The following NCALD variants were observed in gnomAD, a reference collection of about 807,000 sequenced individuals.
NCALD encodes neurocalcin-delta.
In NCALD, 10 loss-of-function variants were observed where a neutral mutation model predicts 18.6. The observed-to-expected ratio is 0.54, with a 90% CI of 0.33 to 0.91. The LOEUF (loss-of-function observed/expected upper bound fraction) is 0.91, where lower values mean the gene tolerates loss of function less well. Among genes scored for constraint, NCALD ranks in the 40% least tolerant of loss-of-function variants. The pLI is 0.03. For synonymous variants in NCALD, 88 were observed against 87.4 expected, an observed-to-expected ratio of 1.01 and a Z score of -0.04; for missense variants, 184 against 247.6, an observed-to-expected ratio of 0.74 and a Z score of 1.72.
chr8:101,813,427 A>C (rs961932749), intron 4 of NCALD, among the ~76,000 whole-genome samples: 1 of 152,082 alleles, frequency 6.6e-6, no homozygotes, highest in East Asian at 1.9e-4. Context: ...CAGCTTAGGG[A>C]GGGTTTTGTA....
intron 1 of NCALD, among the ~76,000 whole-genome samples, chr8:101,725,368 G>T (rs74507823): frequency 0.016 from 2,403 of 152,280 alleles, 57 homozygotes; most frequent in African/African-American, 0.055. Flanking sequence ...GGTGGGCTCC[G>T]AGGAAAGATC....
intron 3 of NCALD, among the ~76,000 whole-genome samples, chr8:101,894,954 T>C (rs1430306446): frequency 1.3e-5 from 2 of 150,932 alleles, no homozygotes; most frequent in Non-Finnish European, 2.9e-5. Flanking sequence ...ACTGGTACCA[T>C]TCCTTCTGAA....
At chr8:102,078,812 G>A (rs774659504) in intron 1 of NCALD, among the ~76,000 whole-genome samples, 3 of 152,204 alleles carry the variant, frequency 2.0e-5, no homozygotes, top group Non-Finnish European at 4.4e-5. Context: ...TCACTCATCA[G>A]TATCTGAAAG....
At chr8:101,692,586 G>GA (rs1458243881) in intron 3 of NCALD, 110 of 985,192 alleles carry the variant, frequency 1.1e-4, no homozygotes, top group African/African-American at 1.4e-4. Context: ...AAGGAGGATA[G>GA]AAAAAACTAG....
At chr8:101,822,218 T>C (rs1424934307) in intron 4 of NCALD, among the ~76,000 whole-genome samples, 1 of 152,222 alleles carries the variant, frequency 6.6e-6, no homozygotes, top group Admixed American at 6.5e-5. Flanking sequence ...TAGTCTATCT[T>C]TAAATATTAA....
intron 1 of NCALD, among the ~76,000 whole-genome samples, chr8:102,038,673 T>C (rs7001158): frequency 0.18 from 26,995 of 152,040 alleles, 2,536 homozygotes; most frequent in Non-Finnish European, 0.19. Flanking sequence ...TTTCCCACAA[T>C]TCACTTTAGC....
intron 1 of NCALD, among the ~76,000 whole-genome samples, chr8:102,023,325 G>A (rs1822341818): frequency 7.3e-6 from 1 of 137,290 alleles, no homozygotes; most frequent in Non-Finnish European, 1.5e-5. Flanking sequence ...AGCACTCTTA[G>A]AATAGAGAGG....
intron 2 of NCALD, among the ~76,000 whole-genome samples, chr8:101,992,801 G>A (rs988339163): frequency 6.6e-6 from 1 of 152,016 alleles, no homozygotes; most frequent in African/African-American, 2.4e-5. Flanking sequence ...GCACACAACA[G>A]GTGCTCACTC....
intron 1 of NCALD, among the ~76,000 whole-genome samples, chr8:102,074,148 T>C (rs1824268462): frequency 1.3e-5 from 2 of 152,150 alleles, no homozygotes; most frequent in African/African-American, 4.8e-5. Context: ...TGTCTAGCAC[T>C]GAAGTGGCAA....
chr8:101,814,973 CTAAA>C (rs1333830751), intron 4 of NCALD, among the ~76,000 whole-genome samples: 1 of 151,900 alleles, frequency 6.6e-6, no homozygotes, highest in South Asian at 2.1e-4. Flanking sequence ...AATCAAAGAA[CTAAA>C]TAAATAAAGA....
intron 2 of NCALD, among the ~76,000 whole-genome samples, chr8:101,989,646 T>C (rs894566859): frequency 1.3e-5 from 2 of 152,220 alleles, no homozygotes; most frequent in African/African-American, 2.4e-5. Flanking sequence ...TGTTCTTAGA[T>C]TGACGGACTA....
At chr8:101,725,075 A>G (rs1382136252) in intron 1 of NCALD, among the ~76,000 whole-genome samples, 1 of 152,186 alleles carries the variant, frequency 6.6e-6, no homozygotes, top group African/African-American at 2.4e-5. Context: ...GGAGGCAGGG[A>G]AATACTGGGT....
intron 1 of NCALD, among the ~76,000 whole-genome samples, chr8:101,742,241 A>G (rs1436302838): frequency 6.7e-6 from 1 of 148,268 alleles, no homozygotes; most frequent in Non-Finnish European, 1.5e-5. Flanking sequence ...AAAAAAAAAA[A>G]GAAAGAAAGA....
chr8:101,702,740 A>G (rs1358915401), intron 2 of NCALD, among the ~76,000 whole-genome samples: 2 of 152,256 alleles, frequency 1.3e-5, no homozygotes, highest in African/African-American at 4.8e-5. Context: ...GCTCCGCAGA[A>G]GTGGCCTCAT....
chr8:102,107,195 C>CATATATATGTATATATAT, intron 1 of NCALD, among the ~76,000 whole-genome samples: 1 of 89,302 alleles, frequency 1.1e-5, no homozygotes, highest in African/African-American at 4.4e-5. Context: ...TATGTGTGTA[C>CATATATATGTATATATAT]ATATATATAT....
intron 2 of NCALD, among the ~76,000 whole-genome samples, chr8:101,982,060 CTCA>C (rs958817498): frequency 3.3e-5 from 5 of 152,174 alleles, no homozygotes; most frequent in South Asian, 2.1e-4. Flanking sequence ...TGCTCCCACT[CTCA>C]TCATATGATG....
At chr8:101,729,897 C>A (rs755087857) in intron 1 of NCALD, among the ~76,000 whole-genome samples, 8 of 152,146 alleles carry the variant, frequency 5.3e-5, no homozygotes, top group Non-Finnish European at 7.4e-5. Flanking sequence ...CTGAGCAGAA[C>A]CTCGTCTAAC....
intron 3 of NCALD, among the ~76,000 whole-genome samples, chr8:101,908,434 C>T (rs1206466363): frequency 6.6e-6 from 1 of 152,072 alleles, no homozygotes; most frequent in Non-Finnish European, 1.5e-5. Context: ...CTCCTCTGAC[C>T]CCACAAACAA....
intron 1 of NCALD, among the ~76,000 whole-genome samples, chr8:101,759,376 G>C (rs1811020431): frequency 6.6e-6 from 1 of 152,150 alleles, no homozygotes; most frequent in South Asian, 2.1e-4. Context: ...GAAAAGGAGG[G>C]AAGGAAGAAG....
Sources: gnomAD v4.1 joint callset for allele counts (sites outside exome capture counted in the v4.1 genomes callset) on GRCh38, gnomAD v4.1.1 for gene constraint, MANE v1.5 for transcripts, NCBI Gene and HGNC (gene_info 2026-07-23, HGNC 2026-07-21) for gene names.